DHX8: variants seen among roughly 807,000 people sequenced by gnomAD.
The protein encoded by DHX8 is DEAH-box helicase 8, also known as ATP-dependent RNA helicase DHX8.
A neutral mutation model predicts 140.7 loss-of-function variants in DHX8; 67 were observed. That is an observed-to-expected ratio of 0.48 (90% confidence interval 0.39 to 0.58). The LOEUF is 0.58. DHX8 is among the 20% of genes least tolerant of loss of function. DHX8 has a pLI of 0.00. For missense variants in DHX8, 887 were observed against 1,550.7 expected, an observed-to-expected ratio of 0.57 and a Z score of 7.19; for synonymous variants, 533 against 553.2, an observed-to-expected ratio of 0.96 and a Z score of 0.51.
rs766988080 is a variant in DHX8 at position 43,493,486 on chromosome 17, G to A, written c.905G>A (p.Arg302Gln). Residue 302 changes from arginine (R) to glutamine (Q), a missense_variant, in exon 7 of 23, where the codon CGG becomes CAG. Physicochemically the swap from Arg to Gln is conservative, Grantham distance 43 (BLOSUM62 1). This residue lies in a region of DHX8 where 98 missense variants were observed against 152.7 expected (regional missense o/e 0.64). Coordinates refer to ENST00000262415, the MANE Select transcript of DHX8 (RefSeq NM_004941.3). The part of the protein sequence containing the change: ...EGLVHISELR[R>Q]EGRVANVADV... ...CTGGTGCACATCTCTGAGCTCCGGC[G>A]GGAGGGTCGTGTGGCCAATGTAGCT... 1.9e-6 allele frequency: 3 copies of A among 1,614,070 alleles called. No homozygotes were observed. The highest frequency in any genetic ancestry group is 1.3e-5 in the African/African-American group (1 of 74,930).
chr17:43,484,446 A>C (rs1473126094), intron 1 of DHX8, among the ~76,000 whole-genome samples: 5 of 152,056 alleles, frequency 3.3e-5, no homozygotes, highest in African/African-American at 1.2e-4. Context: ...TTGTTTTTTC[A>C]GCCTCAATTA....
At chr17:43,498,748 C>CA (rs1969018993) in intron 9 of DHX8, 114 bp from the exon 10 acceptor site, 1 of 778,624 alleles carries the variant, frequency 1.3e-6, no homozygotes, top group African/African-American at 1.8e-5. Flanking sequence ...CATGCCCCAC[C>CA]AGGGGAAGCT....
At chr17:43,485,270 C>T (rs1968073276) in intron 1 of DHX8, among the ~76,000 whole-genome samples, 1 of 152,032 alleles carries the variant, frequency 6.6e-6, no homozygotes, top group East Asian at 1.9e-4. Flanking sequence ...AAGTCATCAA[C>T]CGGAGGGATG....
intron 12 of DHX8, among the ~76,000 whole-genome samples, chr17:43,506,559 C>T (rs532086323): frequency 1.1e-4 from 17 of 148,486 alleles, no homozygotes; most frequent in African/African-American, 3.0e-4. Flanking sequence ...GTGGAGGTTG[C>T]AATGAGCTGA....
intron 1 of DHX8, among the ~76,000 whole-genome samples, chr17:43,488,794 A>G (rs1320059875): frequency 6.6e-6 from 1 of 151,792 alleles, no homozygotes; most frequent in East Asian, 1.9e-4. Context: ...TCACCTTTAC[A>G]GTCTAGTCTA....
rs187598244 is a variant in DHX8 at position 43,492,290 on chromosome 17, C to T, written c.501C>T (p.His167=). 1 of 1,612,374 alleles carries T rather than the reference C, an allele frequency of 6.2e-7. No individual in the cohort carries two copies. The highest frequency in any genetic ancestry group is 1.3e-5 in the African/African-American group (1 of 75,012). The change falls in exon 5 of 23, where the codon CAC becomes CAT. Residue 167 remains histidine, a splice_region_variant and synonymous_variant. Coordinates refer to ENST00000262415, the MANE Select transcript of DHX8 (RefSeq NM_004941.3). ...AGQEKQRDAE[H]RDRTKKKKRS... is the part of the protein sequence containing the mutation. ...AGGAGAAGCAAAGAGATGCTGAACACCGGTTTGTCCTTAGTGTCCTGTCCT... is the reference window on the plus strand; with the variant it reads ...AGGAGAAGCAAAGAGATGCTGAACATCGGTTTGTCCTTAGTGTCCTGTCCT...
At chr17:43,537,859 T>G (rs1416258574) in intron 3 of DHX8, among the ~76,000 whole-genome samples, 1 of 151,998 alleles carries the variant, frequency 6.6e-6, no homozygotes, top group Admixed American at 6.5e-5. Context: ...CCGGGCGCGG[T>G]GGCTCACGCC....
Position 43,508,377 on chromosome 17 carries a change from GATACTGCTTGTGAGATCCTGTA to G in DHX8, c.2360_2381del (p.Asp787ValfsTer4). The G allele has an allele frequency of 6.2e-7, 1 of 1,612,248 alleles. No individual in the cohort carries two copies. Among genetic ancestry groups the G allele is most frequent in the Non-Finnish European group, 8.5e-7 (1 of 1,178,500 alleles). ...CTTCCTGACTGGTCAGGAAGAAATT[GATACTGCTTGTGAGATCCTGTA>G]TGAAAGAATGAAATCCCTGGGACCT... On this transcript the variant is annotated frameshift_variant, in exon 16 of 23. Transcript: ENST00000262415. LOFTEE classifies it high-confidence loss of function.
At position 43,523,625 on chromosome 17, in the gene DHX8, C is replaced by T. The variant is rs1464683919; in HGVS notation, c.3444-3C>T. 1.2e-6 allele frequency: 2 copies of T among 1,613,980 alleles called. No individual in the cohort carries two copies. The highest frequency in any genetic ancestry group is 1.7e-6 in the Non-Finnish European group (2 of 1,179,990). The stretch of plus-strand genomic sequence containing the variant: ...CTTGAGTACTATCTCTGTCCCCCCT[C>T]AGGGTGGTGTACCATGAGCTGGTGC... On this transcript the variant is annotated splice_polypyrimidine_tract_variant and splice_region_variant and intron_variant, in intron 22 of 22. Transcript: ENST00000262415.
chr17:43,518,846 A>C (rs1970241077), intron 18 of DHX8: 1 of 152,166 alleles, frequency 6.6e-6, no homozygotes, highest in Admixed American at 6.5e-5. Context: ...AAGTGGAATC[A>C]TACAATATTC....
chr17:43,493,665 C>T lies in DHX8; in HGVS notation c.1009-18C>T. On this transcript the variant is annotated intron_variant, in intron 7 of 22. Coordinates refer to ENST00000262415, the MANE Select transcript of DHX8 (RefSeq NM_004941.3). ...AGAGGACAGCAAGTGAGACAGCTCCCTTGTTTTTGTGCCTTAGGATGTGGA... is the reference window on the plus strand; with the variant it reads ...AGAGGACAGCAAGTGAGACAGCTCCTTTGTTTTTGTGCCTTAGGATGTGGA... The T allele has an allele frequency of 6.2e-7, 1 of 1,614,186 alleles. No homozygotes were observed.
intron 9 of DHX8, among the ~76,000 whole-genome samples, chr17:43,498,633 G>A (rs1041132620): frequency 6.6e-6 from 1 of 151,516 alleles, no homozygotes. Flanking sequence ...GATTTTTAAT[G>A]AGATGGGGTT....
chr17:43,484,705 G>C (rs1047724446), intron 1 of DHX8, among the ~76,000 whole-genome samples: 3 of 152,134 alleles, frequency 2.0e-5, no homozygotes, highest in African/African-American at 7.2e-5. Context: ...GCAGTGGCAC[G>C]ATCTCGGCTC....
In DHX8 at chr17:43,504,673, A is replaced by G; in HGVS notation, c.1576A>G (p.Arg526Gly). ...AGGCAGACAGATTGCTGCCAACATG[A>G]GGGGTATTGGGATGATGCCCAATGA... ...AEGRQIAANM[R>G]GIGMMPNDIP... Residue 526 changes from arginine (R) to glycine (G), a missense_variant, in exon 12 of 23, where the codon AGG (arginine) becomes GGG (glycine). By Grantham distance (125) the Arg-to-Gly change is moderately radical. This residue lies in a region of DHX8 where 178 missense variants were observed against 398.5 expected (regional missense o/e 0.45). Transcript: ENST00000262415. The G allele has an allele frequency of 6.2e-7, 1 of 1,612,500 alleles. No individual in the cohort carries two copies.
In DHX8 at chr17:43,498,945, A is replaced by G. The variant is rs747051072; in HGVS notation, c.1384A>G (p.Ile462Val). The G allele has an allele frequency of 1.3e-6, 2 of 1,579,162 alleles. No individual in the cohort carries two copies. Among genetic ancestry groups the G allele is most frequent in the Non-Finnish European group, 8.5e-7 (1 of 1,169,822 alleles). The change falls in exon 10 of 23, where the codon ATT becomes GTT. Residue 462 changes from isoleucine to valine, a missense_variant. Transcript: ENST00000262415. ...TAAGCAAAGCATGGACATGAGCCCC[A>G]TTAAAATTGTCAAGGTGAGAATTAC... ...HTKQSMDMSP[I>V]KIVKNPDGSL...
rs772913267 is a variant in DHX8 at position 43,513,489 on chromosome 17, C to T, written c.2630C>T (p.Thr877Met). Reference sequence around the variant, plus strand: ...ACAGGGATTGACCAGCTCGTGGTGACGCCTATTTCTCAGGTATGACGGCTT... The same window carrying T: ...ACAGGGATTGACCAGCTCGTGGTGATGCCTATTTCTCAGGTATGACGGCTT... The part of the protein sequence containing the change: ...SKTGIDQLVV[T>M]PISQAQAKQR... Residue 877 changes from threonine to methionine, a missense_variant, in exon 17 of 23, where the codon ACG becomes ATG. Thr to Met is a moderately conservative substitution (Grantham distance 81). This residue lies in a region of DHX8 where 151 missense variants were observed against 388.3 expected (regional missense o/e 0.39). Transcript: ENST00000262415. 4.3e-6 allele frequency: 7 copies of T among 1,613,514 alleles called. No individual in the cohort carries two copies. Among genetic ancestry groups the T allele is most frequent in the African/African-American group, 2.7e-5 (2 of 74,850 alleles).
chr17:43,543,274 A>ACTCTCTCT (rs1250640458), intron 3 of DHX8, among the ~76,000 whole-genome samples: 2 of 41,496 alleles, frequency 4.8e-5, no homozygotes, highest in East Asian at 7.5e-4. Context: ...TAACACACAC[A>ACTCTCTCT]CACTCTCTCT....
chr17:43,492,124 G>A (rs1296802633), intron 4 of DHX8, 59 bp from the exon 5 acceptor site: 1 of 1,144,946 alleles, frequency 8.7e-7, no homozygotes, highest in African/African-American at 1.5e-5. Flanking sequence ...TGTACCTGAG[G>A]TACATACAGA....
chr17:43,532,612 G>A, intron 2 of DHX8: 2 of 1,456,340 alleles, frequency 1.4e-6, no homozygotes, highest in Admixed American at 2.1e-5. Context: ...AAACTCGGGA[G>A]ACATTCTGGG....
Sources: allele counts gnomAD v4.1 joint callset (sites outside exome capture counted in the v4.1 genomes callset), GRCh38; gene constraint gnomAD v4.1.1; regional missense constraint gnomAD v4.1.1; transcripts MANE v1.5; gene names NCBI Gene and HGNC (gene_info 2026-07-23, HGNC 2026-07-21).